Variants in PCDHGB6 observed in about 807,000 individuals in gnomAD.
The protein encoded by PCDHGB6 is protocadherin gamma-B6.
PCDHGB6 carries 51 observed loss-of-function variants against 59.1 expected under a neutral mutation model. The observed-to-expected ratio is 0.86, with a 90% CI of 0.69 to 1.09. PCDHGB6 has a LOEUF of 1.09. Ranked by LOEUF, PCDHGB6 falls within the 50% of genes least tolerant of loss-of-function variation. PCDHGB6 has a pLI of 0.00. For synonymous variants in PCDHGB6, 466 were observed against 495.1 expected (o/e 0.94, Z 0.78); for missense variants, 1,148 against 1,205.1 (o/e 0.95, Z 0.70).
rs549801775 is a variant in PCDHGB6 at position 141,419,346 on chromosome 5, T to C, written c.2418+8726T>C. The C allele has an allele frequency of 6.2e-7, 1 of 1,613,828 alleles. No individual in the cohort carries two copies. The highest frequency in any genetic ancestry group is 2.2e-5 in the East Asian group (1 of 44,886). ...TCCTACTCTCTCATTGCCAGCGACCTGGAGTCACGAACGCTGTCGTCCTAC... is the reference window on the plus strand; with the variant it reads ...TCCTACTCTCTCATTGCCAGCGACCCGGAGTCACGAACGCTGTCGTCCTAC... On this transcript the variant is annotated intron_variant, in intron 1 of 3. Coordinates refer to ENST00000520790, the MANE Select transcript of PCDHGB6 (RefSeq NM_018926.3).
intron 1 of PCDHGB6, among the ~76,000 whole-genome samples, chr5:141,456,046 C>T (rs759479772): frequency 1.3e-5 from 2 of 151,904 alleles, no homozygotes; most frequent in Non-Finnish European, 2.9e-5. Context: ...TACAGGCGCC[C>T]ACCACCACGT....
chr5:141,452,133 A>C (rs2098734490), intron 1 of PCDHGB6, among the ~76,000 whole-genome samples: 1 of 152,136 alleles, frequency 6.6e-6, no homozygotes, highest in Admixed American at 6.5e-5. Flanking sequence ...TATATGGCTC[A>C]TGTGTTTTTT....
At chr5:141,478,333 G>C in intron 1 of PCDHGB6, 5 of 1,613,928 alleles carry the variant, frequency 3.1e-6, no homozygotes, top group Non-Finnish European at 4.2e-6. Flanking sequence ...GAACACCAGG[G>C]CCCTCCTTGC....
At position 141,432,898 on chromosome 5, in the gene PCDHGB6, G is replaced by C. The variant is rs746913952; in HGVS notation, c.2418+22278G>C. ...TGGCCTTCGTCATCTTGCTGCTGGC[G>C]CTCAGGCTGCGGCGCTGGCACAAGT... On this transcript the variant is annotated intron_variant, in intron 1 of 3. Coordinates refer to ENST00000520790, the MANE Select transcript of PCDHGB6 (RefSeq NM_018926.3). The surrounding 1 kb of genome is among the most constrained non-coding windows in gnomAD (Gnocchi z 6.0). 28 of 1,614,056 alleles carry C rather than the reference G, an allele frequency of 1.7e-5. No individual in the cohort carries two copies. In the African/African-American group the frequency reaches 2.4e-4, roughly 14 times the overall value.
At chr5:141,413,844 C>A in intron 1 of PCDHGB6, 2 of 1,613,254 alleles carry the variant, frequency 1.2e-6, no homozygotes, top group Non-Finnish European at 1.7e-6. Context: ...ACGGGGGTGA[C>A]CCTCTCCGAT....
chr5:141,419,591 G>A lies in PCDHGB6; in HGVS notation c.2418+8971G>A, dbSNP rs574335266. The A allele has an allele frequency of 2.2e-5, 35 of 1,611,826 alleles. No individual in the cohort carries two copies. The African/African-American group carries it at 4.0e-4, about 18-fold the overall frequency. On this transcript the variant is annotated intron_variant, in intron 1 of 3. Coordinates refer to ENST00000520790, the MANE Select transcript of PCDHGB6 (RefSeq NM_018926.3). ...CGACGGCTCCGCGCTCTTCGACACA[G>A]TGCCGCGGGCCGCGCAGCCAGGCTA...
intron 1 of PCDHGB6, among the ~76,000 whole-genome samples, chr5:141,460,407 TTG>T: frequency 6.6e-6 from 1 of 152,188 alleles, no homozygotes; most frequent in Non-Finnish European, 1.5e-5. Flanking sequence ...TCCTTTTGAG[TTG>T]ATGTTTATGT....
In PCDHGB6 at chr5:141,486,001, C is replaced by T. The variant is rs771993915; in HGVS notation, c.2419-8806C>T. ...ACCCGGACCTGGGTCCCAGTGGTAA[C>T]GTCACCTTTTATTTCAGTGGTCATA... On this transcript the variant is annotated intron_variant, in intron 1 of 3. Coordinates refer to ENST00000520790, the MANE Select transcript of PCDHGB6 (RefSeq NM_018926.3). This position sits in a 1 kb window ranked among gnomAD's most constrained non-coding sequence, Gnocchi z 5.0. The T allele has an allele frequency of 2.5e-6, 4 of 1,614,076 alleles. No homozygotes were observed. The highest frequency in any genetic ancestry group is 8.5e-7 in the Non-Finnish European group (1 of 1,180,032).
chr5:141,423,603 C>G, intron 1 of PCDHGB6: 1 of 1,612,584 alleles, frequency 6.2e-7, no homozygotes. Flanking sequence ...GCGAGCCACT[C>G]TTGATAGCTG....
chr5:141,491,332 C>T lies in PCDHGB6; in HGVS notation c.2419-3475C>T, dbSNP rs1013118722. 2 of 1,614,072 alleles carry T rather than the reference C, an allele frequency of 1.2e-6. No individual in the cohort carries two copies. The highest frequency in any genetic ancestry group is 2.7e-5 in the African/African-American group (2 of 74,944). On this transcript the variant is annotated intron_variant, in intron 1 of 3. Coordinates refer to ENST00000520790, the MANE Select transcript of PCDHGB6 (RefSeq NM_018926.3). This position sits in a 1 kb window ranked among gnomAD's most constrained non-coding sequence, Gnocchi z 6.9. ...CCTTACCCTTTACCTCATTGTGGCT[C>T]TAGCGACCGTCAGTCTCTTATCCCT...
chr5:141,428,119 C>CCGGGCTTTTCAGCCTGGGGCTGCACA, intron 1 of PCDHGB6: 1 of 1,606,630 alleles, frequency 6.2e-7, no homozygotes, highest in Non-Finnish European at 8.5e-7. Context: ...GCCATCGAGC[C>CCGGGCTTTTCAGCCTGGGGCTGCACA]CGGGCTTTTC....
At chr5:141,494,554 T>C (rs1270280236) in intron 1 of PCDHGB6, among the ~76,000 whole-genome samples, 1 of 152,178 alleles carries the variant, frequency 6.6e-6, no homozygotes, top group African/African-American at 2.4e-5. Flanking sequence ...GGGCCATTTC[T>C]TTAGGAAAGG....
At chr5:141,494,156 C>T (rs566096073) in intron 1 of PCDHGB6, among the ~76,000 whole-genome samples, 22 of 152,316 alleles carry the variant, frequency 1.4e-4, no homozygotes, top group African/African-American at 4.3e-4. Context: ...TTGTCTGGCA[C>T]GGAGTTCTAG....
Position 141,478,407 on chromosome 5 carries a change from C to T in PCDHGB6, c.2419-16400C>T. On this transcript the variant is annotated intron_variant, in intron 1 of 3. Coordinates refer to ENST00000520790, the MANE Select transcript of PCDHGB6 (RefSeq NM_018926.3). The stretch of plus-strand genomic sequence containing the variant: ...CTTTACCATCAGGTGTATCTCACCA[C>T]GGACTCCCGCCGCAGCGACCCGCTG... 1.9e-6 allele frequency: 3 copies of T among 1,613,272 alleles called. No individual in the cohort carries two copies. The highest frequency in any genetic ancestry group is 1.3e-5 in the African/African-American group (1 of 75,072).
In PCDHGB6 at chr5:141,490,506, C is replaced by T. The variant is rs967095367; in HGVS notation, c.2419-4301C>T. ...GGGAGGCCACATCCCACTATATCAT[C>T]GAGCTGCTGGCCAGCGATGCTGGTT... is the stretch of plus-strand genomic sequence containing the variant. On this transcript the variant is annotated intron_variant, in intron 1 of 3. Transcript: ENST00000520790. This position sits in a 1 kb window ranked among gnomAD's most constrained non-coding sequence, Gnocchi z 5.4. The T allele has an allele frequency of 1.2e-5, 19 of 1,614,116 alleles. No homozygotes were observed. The highest frequency in any genetic ancestry group is 2.2e-5 in the South Asian group (2 of 91,088).
Position 141,409,801 on chromosome 5 carries a change from G to A in PCDHGB6, c.1599G>A (p.Gln533=). 2 of 1,611,946 alleles carry A rather than the reference G, an allele frequency of 1.2e-6. No homozygotes were observed. Among genetic ancestry groups the A allele is most frequent in the South Asian group, 2.2e-5 (2 of 90,914 alleles). ...TGCGCGCCTTCGCGCTCACGCTGCAGGCCCGCGACCACGGCTCGCCCACGC... is the reference window on the plus strand; with the variant it reads ...TGCGCGCCTTCGCGCTCACGCTGCAAGCCCGCGACCACGGCTCGCCCACGC... ...EQLRAFALTL[Q]ARDHGSPTLS... is the part of the protein sequence containing the mutation. The change falls in exon 1 of 4, where the codon CAG becomes CAA. Residue 533 remains glutamine (Q), a synonymous_variant. Coordinates refer to ENST00000520790, the MANE Select transcript of PCDHGB6 (RefSeq NM_018926.3).
At chr5:141,465,649 A>C (rs1174371552) in intron 1 of PCDHGB6, among the ~76,000 whole-genome samples, 1 of 152,200 alleles carries the variant, frequency 6.6e-6, no homozygotes, top group African/African-American at 2.4e-5. Context: ...TGAACATCCC[A>C]AAAAAGCGCT....
At chr5:141,421,000 A>G (rs2096537102) in intron 1 of PCDHGB6, 1 of 507,878 alleles carries the variant, frequency 2.0e-6, no homozygotes, top group East Asian at 3.3e-5. Flanking sequence ...CTGCTCACCA[A>G]TCAGGGAATG....
intron 1 of PCDHGB6, among the ~76,000 whole-genome samples, chr5:141,430,347 A>C (rs2097274758): frequency 6.6e-6 from 1 of 151,944 alleles, no homozygotes; most frequent in Non-Finnish European, 1.5e-5. Flanking sequence ...CTTCCAATTC[A>C]TTTAAAAGCT....
Sources: gnomAD v4.1 joint callset for allele counts (sites outside exome capture counted in the v4.1 genomes callset) on GRCh38, gnomAD v4.1.1 for gene constraint, Gnocchi (gnomAD v3.1) non-coding constraint, MANE v1.5 for transcripts, NCBI Gene and HGNC (gene_info 2026-07-23, HGNC 2026-07-21) for gene names.